STX1A: variants seen among roughly 807,000 people sequenced by gnomAD.
The protein encoded by STX1A is syntaxin 1A, also known as syntaxin-1A.
A neutral mutation model predicts 37.8 loss-of-function variants in STX1A; 4 were observed. The observed-to-expected ratio is 0.11, with a 90% CI of 0.05 to 0.24. The LOEUF (loss-of-function observed/expected upper bound fraction) is 0.24, where lower values mean the gene tolerates loss of function less well. Ranked by LOEUF, STX1A falls within the 10% of genes least tolerant of loss-of-function variation. The pLI, the probability that STX1A is intolerant of heterozygous loss-of-function variation, is 1.00. For missense variants in STX1A, 251 were observed against 399.9 expected (o/e 0.63, Z 3.18); for synonymous variants, 135 against 147.4 (o/e 0.92, Z 0.61).
intron 1 of STX1A, among the ~76,000 whole-genome samples, chr7:73,718,851 C>T (rs999603355): frequency 6.6e-6 from 1 of 151,918 alleles, no homozygotes; most frequent in Non-Finnish European, 1.5e-5. Context: ...TTCCCAGATA[C>T]AGGTAGAAAA....
At position 73,704,334 on chromosome 7, in the gene STX1A, G is replaced by C. The variant is rs1433824843; in HGVS notation, c.357+16C>G. On this transcript the variant is annotated intron_variant, in intron 5 of 9. Coordinates refer to ENST00000222812, the MANE Select transcript of STX1A (RefSeq NM_004603.4). Reference sequence around the variant, plus strand: ...GAGACTCAGGTGCCCGCCCATCCTAGACTCCGTGGCCGCACCTGTGTCTTC... The same window carrying C: ...GAGACTCAGGTGCCCGCCCATCCTACACTCCGTGGCCGCACCTGTGTCTTC... 6.2e-7 allele frequency: 1 copy of C among 1,614,022 alleles called. No individual in the cohort carries two copies. Among genetic ancestry groups the C allele is most frequent in the Non-Finnish European group, 8.5e-7 (1 of 1,180,026 alleles).
intron 6 of STX1A, 82 bp downstream of exon 6, chr7:73,704,066 C>G: frequency 1.4e-6 from 2 of 1,456,086 alleles, no homozygotes; most frequent in Non-Finnish European, 1.8e-6. Flanking sequence ...AAGCAGCAGC[C>G]TTGAGCCACG....
In STX1A at chr7:73,715,538, C is replaced by T. The variant is rs114164002; in HGVS notation, c.30+4064G>A. On this transcript the variant is annotated intron_variant, in intron 1 of 9. Coordinates refer to ENST00000222812, the MANE Select transcript of STX1A (RefSeq NM_004603.4). Reference sequence around the variant, plus strand: ...GGAAGAACAGACCCTGCTGGAACCACGGGGAGCTGGATGCCCTGAGCTTCC... The same window carrying T: ...GGAAGAACAGACCCTGCTGGAACCATGGGGAGCTGGATGCCCTGAGCTTCC... Among the ~76,000 whole-genome samples, 811 of 152,246 alleles carry T rather than the reference C, an allele frequency of 5.3e-3. 7 individuals are homozygous for T. The highest frequency in any genetic ancestry group is 0.019 in the African/African-American group (784 of 41,548).
chr7:73,712,767 C>T (rs781860696), intron 1 of STX1A, among the ~76,000 whole-genome samples: 6 of 152,164 alleles, frequency 3.9e-5, no homozygotes, highest in South Asian at 2.1e-4. Flanking sequence ...GATTTGAAGG[C>T]GGCATCCACA....
chr7:73,719,446 G>A (rs563229378), intron 1 of STX1A, among the ~76,000 whole-genome samples, 156 bp downstream of exon 1: 152 of 152,274 alleles, frequency 1.0e-3, no homozygotes, highest in African/African-American at 3.4e-3. Flanking sequence ...GGAACCCGGA[G>A]GGGGGTCGAG....
At position 73,709,126 on chromosome 7, in the gene STX1A, T is replaced by C; in HGVS notation, c.31-4A>G. 6.2e-7 allele frequency: 1 copy of C among 1,612,306 alleles called. No individual in the cohort carries two copies. The highest frequency in any genetic ancestry group is 1.1e-5 in the South Asian group (1 of 91,072). On this transcript the variant is annotated splice_region_variant and splice_polypyrimidine_tract_variant and intron_variant, in intron 1 of 9. Transcript: ENST00000222812. The surrounding 1 kb of genome is among the most constrained non-coding windows in gnomAD (Gnocchi z 4.2). Reference sequence around the variant, plus strand: ...CATCATCATCGCTGTCCTTGGCCTGTGCGGGGTTGTGCACACATAAGTGGA... The same window carrying C: ...CATCATCATCGCTGTCCTTGGCCTGCGCGGGGTTGTGCACACATAAGTGGA...
chr7:73,700,149 T>C lies in STX1A; in HGVS notation c.*258A>G. ...CCCTGGCGGCCCTGCCTGGGTCTGCTCCTCGCTGTGCACACTGCATCACGC... is the reference window on the plus strand; with the variant it reads ...CCCTGGCGGCCCTGCCTGGGTCTGCCCCTCGCTGTGCACACTGCATCACGC... On this transcript the variant is annotated 3_prime_UTR_variant, in exon 10 of 10. Coordinates refer to ENST00000222812, the MANE Select transcript of STX1A (RefSeq NM_004603.4). This position sits in a 1 kb window ranked among gnomAD's most constrained non-coding sequence, Gnocchi z 4.4. The C allele has an allele frequency of 1.8e-6, 1 of 559,894 alleles. No individual in the cohort carries two copies. The highest frequency in any genetic ancestry group is 4.8e-4 in the Middle Eastern group (1 of 2,084). The allele number at this position is 559,894 out of a possible 1,614,324, so 34.7% of individuals were successfully genotyped here. A position where few individuals can be genotyped will look rare whatever the true frequency, so the allele number is the denominator to read the frequency against.
Position 73,704,339 on chromosome 7 carries a change from C to G in STX1A, c.357+11G>C. On this transcript the variant is annotated intron_variant, in intron 5 of 9. Coordinates refer to ENST00000222812, the MANE Select transcript of STX1A (RefSeq NM_004603.4). ...TCAGGTGCCCGCCCATCCTAGACTCCGTGGCCGCACCTGTGTCTTCCGGAT... is the reference window on the plus strand; with the variant it reads ...TCAGGTGCCCGCCCATCCTAGACTCGGTGGCCGCACCTGTGTCTTCCGGAT... 1 of 1,614,156 alleles carries G rather than the reference C, an allele frequency of 6.2e-7. No individual in the cohort carries two copies. Among genetic ancestry groups the G allele is most frequent in the Non-Finnish European group, 8.5e-7 (1 of 1,180,026 alleles).
intron 1 of STX1A, among the ~76,000 whole-genome samples, chr7:73,715,611 C>G (rs1281561086): frequency 1.3e-5 from 2 of 152,030 alleles, no homozygotes; most frequent in Non-Finnish European, 2.9e-5. Context: ...GCAGAGACTC[C>G]AGGATTCCAG....
intron 3 of STX1A, among the ~76,000 whole-genome samples, chr7:73,707,299 T>C (rs1295223537): frequency 6.6e-6 from 1 of 151,932 alleles, no homozygotes; most frequent in African/African-American, 2.4e-5. Flanking sequence ...GGGGACAGAG[T>C]GCGAGCCTGA....
chr7:73,710,452 G>A (rs961552749), intron 1 of STX1A, among the ~76,000 whole-genome samples: 1 of 152,114 alleles, frequency 6.6e-6, no homozygotes, highest in Admixed American at 6.6e-5. Flanking sequence ...TTTTGAGAGA[G>A]TCTCGCACTG....
At position 73,700,290 on chromosome 7, in the gene STX1A, G is replaced by C; in HGVS notation, c.*117C>G. ...GGCAGAGAAGGGAGCATGGGGGCCG[G>C]GAGGGAGGGTGCTCTGAGCCAGAGG... On this transcript the variant is annotated 3_prime_UTR_variant, in exon 10 of 10. Transcript: ENST00000222812. The surrounding 1 kb of genome is among the most constrained non-coding windows in gnomAD (Gnocchi z 4.4). 1 of 945,642 alleles carries C rather than the reference G, an allele frequency of 1.1e-6. No homozygotes were observed. Among genetic ancestry groups the C allele is most frequent in the Admixed American group, 1.9e-5 (1 of 51,298 alleles). 58.6% of individuals were successfully genotyped at this position (945,642 alleles called of 1,614,324 possible).
At chr7:73,701,402 GTCTCAGCTACTCAGGAGGC>G (rs1442017566) in intron 8 of STX1A, among the ~76,000 whole-genome samples, 2 of 152,106 alleles carry the variant, frequency 1.3e-5, no homozygotes, top group Non-Finnish European at 2.9e-5. Flanking sequence ...AGCACCTGTA[GTCTCAGCTACTCAGGAGGC>G]TGAGGCAGGA....
intron 3 of STX1A, among the ~76,000 whole-genome samples, chr7:73,707,906 G>C (rs1304622535): frequency 2.0e-5 from 3 of 147,714 alleles, no homozygotes; most frequent in Non-Finnish European, 4.5e-5. Flanking sequence ...CTGCACTGCA[G>C]CCTGGGTGAC....
intron 1 of STX1A, among the ~76,000 whole-genome samples, chr7:73,714,269 G>C (rs891606432): frequency 6.6e-6 from 1 of 151,564 alleles, no homozygotes; most frequent in Admixed American, 6.6e-5. Context: ...CACCACACCC[G>C]GCTAGTTTTT....
rs782229662 is a variant in STX1A, at chr7:73,705,027, G to A, written c.283+123C>T. Reference sequence around the variant, plus strand: ...GCTGCTGAGTGAATGGGCACATGACGCCACCCTCAGAAAGGAAAGCAAGAT... The same window carrying A: ...GCTGCTGAGTGAATGGGCACATGACACCACCCTCAGAAAGGAAAGCAAGAT... On this transcript the variant is annotated intron_variant, in intron 4 of 9. Coordinates refer to ENST00000222812, the MANE Select transcript of STX1A (RefSeq NM_004603.4). The surrounding 1 kb of genome is among the most constrained non-coding windows in gnomAD (Gnocchi z 5.2). The A allele has an allele frequency of 1.6e-5, 15 of 957,552 alleles. No homozygotes were observed. Among genetic ancestry groups the A allele is most frequent in the Non-Finnish European group, 2.0e-5 (12 of 599,360 alleles). 59.3% of individuals were successfully genotyped at this position (957,552 alleles called of 1,614,324 possible).
chr7:73,700,561 A>T lies in STX1A; in HGVS notation c.790-77T>A, dbSNP rs996546873. 31 of 1,561,354 alleles carry T rather than the reference A, an allele frequency of 2.0e-5. No homozygotes were observed. Among genetic ancestry groups the T allele is most frequent in the Non-Finnish European group, 2.4e-5 (27 of 1,145,230 alleles). ...GGTGGGACTATGGCAAAGGCTGAGG[A>T]CTGGACAGTCGGGGGGGATCCAAGC... On this transcript the variant is annotated intron_variant, in intron 9 of 9. Coordinates refer to ENST00000222812, the MANE Select transcript of STX1A (RefSeq NM_004603.4). This position sits in a 1 kb window ranked among gnomAD's most constrained non-coding sequence, Gnocchi z 4.4.
At position 73,706,316 on chromosome 7, in the gene STX1A, C is replaced by T. The variant is rs915690777; in HGVS notation, c.209-1092G>A. On this transcript the variant is annotated intron_variant, in intron 3 of 9. Transcript: ENST00000222812. This position sits in a 1 kb window ranked among gnomAD's most constrained non-coding sequence, Gnocchi z 4.6. ...TCATCCGTAGGAACAAAGGAAAAGT[C>T]GGTTACCAGCTGCTCTGACGTCTCA... Among the ~76,000 whole-genome samples the T allele has an allele frequency of 2.0e-5, 3 of 152,152 alleles. No individual in the cohort carries two copies. Among genetic ancestry groups the T allele is most frequent in the Non-Finnish European group, 1.5e-5 (1 of 68,012 alleles).
chr7:73,706,929 C>T lies in STX1A; in HGVS notation c.208+1660G>A, dbSNP rs563681847. On this transcript the variant is annotated intron_variant, in intron 3 of 9. Transcript: ENST00000222812. This position sits in a 1 kb window ranked among gnomAD's most constrained non-coding sequence, Gnocchi z 4.6. ...CTTCCTGAGGCAGTCCACCCTGCTC[C>T]CACCTGACCCATTTTGCCTTCTGAG... Among the ~76,000 whole-genome samples the T allele has an allele frequency of 1.8e-4, 28 of 152,310 alleles. No homozygotes were observed. In the South Asian group the frequency reaches 5.8e-3, roughly 32 times the overall value.
Sources: gnomAD v4.1 joint callset for allele counts (sites outside exome capture counted in the v4.1 genomes callset) on GRCh38, gnomAD v4.1.1 for gene constraint, Gnocchi (gnomAD v3.1) non-coding constraint, MANE v1.5 for transcripts, NCBI Gene and HGNC (gene_info 2026-07-23, HGNC 2026-07-21) for gene names.